Variants in TMEM138 observed in about 807,000 individuals in gnomAD.
TMEM138 encodes the protein transmembrane protein 138.
Under a neutral mutation model 18.1 loss-of-function variants are expected in TMEM138, and 9 were observed. The observed-to-expected ratio is 0.50, with a 90% CI of 0.30 to 0.87. TMEM138 has a LOEUF of 0.87. Ranked by LOEUF, TMEM138 falls within the 40% of genes least tolerant of loss-of-function variation. The pLI, the probability that TMEM138 is intolerant of heterozygous loss-of-function variation, is 0.06. For missense variants in TMEM138, 189 were observed against 190.6 expected (o/e 0.99, Z 0.05); for synonymous variants, 79 against 74.8 (o/e 1.06, Z -0.29).
At position 61,364,359 on chromosome 11, in the gene TMEM138, T is replaced by C. The variant is rs1350360245; in HGVS notation, c.-32T>C. On this transcript the variant is annotated 5_prime_UTR_variant, in exon 2 of 5. Coordinates refer to ENST00000278826, the MANE Select transcript of TMEM138 (RefSeq NM_016464.5). ...GCGGTTTTCTGGGAACTGTGGGATG[T>C]GCCCTTGGGGGCCCGAGAAAACAGA... is the stretch of plus-strand genomic sequence containing the variant. 1.2e-6 allele frequency: 2 copies of C among 1,611,434 alleles called. No individual in the cohort carries two copies. Among genetic ancestry groups the C allele is most frequent in the Non-Finnish European group, 1.7e-6 (2 of 1,178,334 alleles).
chr11:61,366,265 G>A (rs1858147951), intron 3 of TMEM138, 49 bp downstream of exon 3: 1 of 1,576,522 alleles, frequency 6.3e-7, no homozygotes, highest in Non-Finnish European at 8.6e-7. Context: ...TTTAAATAGA[G>A]GTGGGGTCTT....
At position 61,369,039 on chromosome 11, in the gene TMEM138, G is replaced by T; in HGVS notation, c.*330G>T. ...CCTTGTGAAGCTTTTCCTTTAGCCT[G>T]GGACAGAAGGACCTCCCAGCCCCCA... On this transcript the variant is annotated 3_prime_UTR_variant, in exon 5 of 5. Coordinates refer to ENST00000278826, the MANE Select transcript of TMEM138 (RefSeq NM_016464.5). 1 of 262,262 alleles carries T rather than the reference G, an allele frequency of 3.8e-6. No homozygotes were observed. The highest frequency in any genetic ancestry group is 7.5e-6 in the Non-Finnish European group (1 of 133,720). 16.2% of individuals were successfully genotyped at this position (262,262 alleles called of 1,614,324 possible).
intron 3 of TMEM138, chr11:61,367,344 C>T (rs1858189807): frequency 6.6e-6 from 1 of 151,496 alleles, no homozygotes; most frequent in African/African-American, 2.5e-5. Flanking sequence ...ACTCTAAAAC[C>T]TCAGGGTTCT....
At chr11:61,365,285 G>A (rs1017707168) in intron 2 of TMEM138, among the ~76,000 whole-genome samples, 2 of 151,146 alleles carry the variant, frequency 1.3e-5, no homozygotes, top group African/African-American at 4.9e-5. Flanking sequence ...TTTTTGAGAT[G>A]GAGTCTAGCT....
intron 1 of TMEM138, chr11:61,363,014 G>T (rs1857984818): frequency 6.6e-6 from 1 of 152,244 alleles, no homozygotes; most frequent in Admixed American, 6.5e-5. Flanking sequence ...GAGGCGGGAG[G>T]ATCACGAGGT....
chr11:61,367,930 G>T lies in TMEM138; in HGVS notation c.308G>T (p.Arg103Leu), dbSNP rs781769843. The change falls in exon 4 of 5, where the codon CGC becomes CTC. Residue 103 changes from arginine to leucine, a missense_variant. Transcript: ENST00000278826. Reference protein sequence around the residue: ...ISLHVWVMNLRWKNSNSFIWT... With the variant: ...ISLHVWVMNLLWKNSNSFIWT... ...ATCTCACATCTCCTTCAGAACTTAC[G>T]CTGGAAAAACTCCAACAGCTTCATA... The T allele has an allele frequency of 6.2e-7, 1 of 1,611,404 alleles. No individual in the cohort carries two copies. The highest frequency in any genetic ancestry group is 8.5e-7 in the Non-Finnish European group (1 of 1,177,682).
At chr11:61,375,793 G>A (rs566681592), downstream of TMEM138, among the ~76,000 whole-genome samples, 1 of 152,128 alleles carries the variant, frequency 6.6e-6, no homozygotes, top group Non-Finnish European at 1.5e-5. Context: ...GCCAATAAAA[G>A]CCCCTTGGAA....
chr11:61,374,799 A>C (rs962486859), downstream of TMEM138, among the ~76,000 whole-genome samples: 1 of 152,172 alleles, frequency 6.6e-6, no homozygotes, highest in African/African-American at 2.4e-5. Flanking sequence ...AAATACAAAA[A>C]TTAGCTGGGC....
chr11:61,375,796 C>A (rs1332402584), downstream of TMEM138, among the ~76,000 whole-genome samples: 1 of 152,112 alleles, frequency 6.6e-6, no homozygotes, highest in African/African-American at 2.4e-5. Flanking sequence ...AATAAAAGCC[C>A]CTTGGAAAAA....
chr11:61,364,227 C>T, intron 1 of TMEM138, 25 bp from the exon 2 acceptor site: 1 of 737,908 alleles, frequency 1.4e-6, no homozygotes, highest in Non-Finnish European at 2.2e-6. Flanking sequence ...CATTTCTAAC[C>T]TTGCTTATCT....
At chr11:61,368,534 T>G in intron 4 of TMEM138, 63 bp from the exon 5 acceptor site, 1 of 1,196,952 alleles carries the variant, frequency 8.4e-7, no homozygotes, top group Non-Finnish European at 1.2e-6. Context: ...CCAGGTTCTG[T>G]TCTTAACCTG....
rs781769843 is a variant in TMEM138, at chr11:61,367,930, G to A, written c.308G>A (p.Arg103His). The change falls in exon 4 of 5, where the codon CGC becomes CAC. Residue 103 changes from arginine to histidine, a missense_variant. By Grantham distance (29) the Arg-to-His change is conservative. Coordinates refer to ENST00000278826, the MANE Select transcript of TMEM138 (RefSeq NM_016464.5). The stretch of plus-strand genomic sequence containing the variant: ...ATCTCACATCTCCTTCAGAACTTAC[G>A]CTGGAAAAACTCCAACAGCTTCATA... ...ISLHVWVMNL[R>H]WKNSNSFIWT... is the part of the protein sequence containing the mutation. 18 of 1,611,404 alleles carry A rather than the reference G, an allele frequency of 1.1e-5. No individual in the cohort carries two copies. Among genetic ancestry groups the A allele is most frequent in the Non-Finnish European group, 1.4e-5 (17 of 1,177,682 alleles).
chr11:61,368,772 G>A lies in TMEM138; in HGVS notation c.*63G>A, dbSNP rs1858255088. On this transcript the variant is annotated 3_prime_UTR_variant, in exon 5 of 5. Transcript: ENST00000278826. ...AGAAGCCACATTTGCTGCTTTGCAG[G>A]GAGAGTTGGCCCTATGCATGGGCAA... 3 of 1,348,630 alleles carry A rather than the reference G, an allele frequency of 2.2e-6. No homozygotes were observed. The highest frequency in any genetic ancestry group is 3.2e-6 in the Non-Finnish European group (3 of 946,050). The allele number at this position is 1,348,630 out of a possible 1,614,324, so 83.5% of individuals were successfully genotyped here. A position where few individuals can be genotyped will look rare whatever the true frequency, so the allele number is the denominator to read the frequency against.
At chr11:61,374,230 C>T (rs199697999), downstream of TMEM138, among the ~76,000 whole-genome samples, 6 of 144,878 alleles carry the variant, frequency 4.1e-5, no homozygotes, top group East Asian at 1.1e-3. Flanking sequence ...TCACTGGAAA[C>T]TCTGCGTCCC....
chr11:61,363,272 A>G (rs897408259), intron 1 of TMEM138: 3 of 152,224 alleles, frequency 2.0e-5, no homozygotes, highest in Non-Finnish European at 2.9e-5. Context: ...AACCGCGAAC[A>G]TATGTCCAAT....
downstream of TMEM138, among the ~76,000 whole-genome samples, chr11:61,372,248 T>A (rs1858359881): frequency 6.6e-6 from 1 of 151,512 alleles, no homozygotes; most frequent in African/African-American, 2.4e-5. Flanking sequence ...AGTGTTGAAG[T>A]CCACAGAAAT....
intron 3 of TMEM138, chr11:61,366,523 A>C: frequency 4.4e-6 from 1 of 229,168 alleles, no homozygotes; most frequent in Non-Finnish European, 8.4e-6. Context: ...GCTGGAGTGC[A>C]GTGGCGTGAT....
At chr11:61,375,317 C>CTTTTTTT (rs71043758), downstream of TMEM138, among the ~76,000 whole-genome samples, 4 of 65,318 alleles carry the variant, frequency 6.1e-5, no homozygotes, top group African/African-American at 9.8e-5. Context: ...TGTGAGTATT[C>CTTTTTTT]TTTTTTTTTT....
chr11:61,365,461 T>C (rs957502826), intron 2 of TMEM138, among the ~76,000 whole-genome samples: 1 of 152,076 alleles, frequency 6.6e-6, no homozygotes, highest in Admixed American at 6.6e-5. Flanking sequence ...TTTGTATTTT[T>C]AGTAGAGACG....
Sources: gnomAD v4.1 joint callset for allele counts (sites outside exome capture counted in the v4.1 genomes callset) on GRCh38, gnomAD v4.1.1 for gene constraint, MANE v1.5 for transcripts, NCBI Gene and HGNC (gene_info 2026-07-23, HGNC 2026-07-21) for gene names.